The following RBMS3 variants were observed in gnomAD, a reference collection of about 807,000 sequenced individuals.
RBMS3 encodes RNA-binding motif, single-stranded-interacting protein 3.
RBMS3 carries 27 observed loss-of-function variants against 66.8 expected under a neutral mutation model. The ratio of observed to expected loss-of-function variants is 0.40; its 90% CI spans 0.30 to 0.56. The LOEUF (loss-of-function observed/expected upper bound fraction) is 0.56. Among genes scored for constraint, RBMS3 ranks in the 20% least tolerant of loss-of-function variants. RBMS3 has a pLI of 0.40. For missense variants in RBMS3, 513 were observed against 549.5 expected (o/e 0.93, Z 0.66); for synonymous variants, 188 against 183.0 (o/e 1.03, Z -0.22).
At chr3:29,873,461 T>A (rs1249914027) in intron 7 of RBMS3, among the ~76,000 whole-genome samples, 1 of 152,200 alleles carries the variant, frequency 6.6e-6, no homozygotes, top group East Asian at 1.9e-4. Flanking sequence ...TCTGCTGAGG[T>A]TGTTTATCAG....
chr3:29,320,019 G>C (rs1348982619), intron 1 of RBMS3, among the ~76,000 whole-genome samples: 2 of 151,978 alleles, frequency 1.3e-5, no homozygotes, highest in African/African-American at 4.8e-5. Context: ...GATCAGACTC[G>C]AGTCAGTTAA....
rs539735911 is a variant in RBMS3 at position 29,449,794 on chromosome 3, G to A, written c.248+14879G>A. On this transcript the variant is annotated intron_variant, in intron 2 of 14. Coordinates refer to ENST00000383767, the MANE Select transcript of RBMS3 (RefSeq NM_001003793.3). Reference sequence around the variant, plus strand: ...AACATACTTCAAAAATAGGAGTTATGTTACAAAAAATAATTTGGCCCACAC... The same window carrying A: ...AACATACTTCAAAAATAGGAGTTATATTACAAAAAATAATTTGGCCCACAC... Among the ~76,000 whole-genome samples, 7 of 152,262 alleles carry A rather than the reference G, an allele frequency of 4.6e-5. No homozygotes were observed. In the South Asian group the frequency reaches 1.2e-3, roughly 27 times the overall value.
chr3:29,484,737 G>T (rs1175523155), intron 2 of RBMS3, among the ~76,000 whole-genome samples: 1 of 152,020 alleles, frequency 6.6e-6, no homozygotes, highest in Non-Finnish European at 1.5e-5. Context: ...ATTCCAACTG[G>T]GTCCCTAAAG....
chr3:29,719,518 G>C (rs376372869), intron 4 of RBMS3, among the ~76,000 whole-genome samples: 54 of 152,186 alleles, frequency 3.5e-4, no homozygotes, highest in Non-Finnish European at 5.9e-4. Flanking sequence ...CAGGGTTCCT[G>C]CATGTTTATA....
chr3:29,493,201 A>T (rs2043615281), intron 3 of RBMS3, among the ~76,000 whole-genome samples: 1 of 152,222 alleles, frequency 6.6e-6, no homozygotes, highest in Non-Finnish European at 1.5e-5. Flanking sequence ...AAGCCTAGAA[A>T]AATGTTTATT....
intron 3 of RBMS3, among the ~76,000 whole-genome samples, chr3:29,514,766 T>A (rs1303754202): frequency 6.7e-6 from 1 of 148,966 alleles, no homozygotes. Flanking sequence ...TAAGCATATA[T>A]ACGATAGGCA....
rs1002488127 is a variant in RBMS3, at chr3:29,991,219, G to A, written c.1307+10G>A. 2 of 1,613,656 alleles carry A rather than the reference G, an allele frequency of 1.2e-6. No individual in the cohort carries two copies. Among genetic ancestry groups the A allele is most frequent in the Non-Finnish European group, 1.7e-6 (2 of 1,179,948 alleles). On this transcript the variant is annotated intron_variant, in intron 14 of 14. Transcript: ENST00000383767. Reference sequence around the variant, plus strand: ...CTTACCAACAGTCTAAGTAAGTCTGGGCTGTGCTAAGCTCTTTTCCTCAAG... The same window carrying A: ...CTTACCAACAGTCTAAGTAAGTCTGAGCTGTGCTAAGCTCTTTTCCTCAAG...
At chr3:29,853,655 T>G (rs931463117) in intron 6 of RBMS3, among the ~76,000 whole-genome samples, 2 of 152,114 alleles carry the variant, frequency 1.3e-5, no homozygotes, top group Admixed American at 1.3e-4. Context: ...ACTACCTGAT[T>G]GGTCGGGTGT....
intron 4 of RBMS3, among the ~76,000 whole-genome samples, chr3:29,645,503 TCTGTACAAAGAGTG>T (rs1316079733): frequency 2.6e-5 from 4 of 152,194 alleles, no homozygotes; most frequent in Non-Finnish European, 4.4e-5. Context: ...CTAGTTAACT[TCTGTACAAAGAGTG>T]CTATCAACTT....
chr3:29,837,663 C>A (rs1261522347), intron 6 of RBMS3, among the ~76,000 whole-genome samples: 1 of 67,636 alleles, frequency 1.5e-5, no homozygotes, highest in East Asian at 1.0e-3. Context: ...ATATAATGAA[C>A]ATATATATAT....
intron 4 of RBMS3, among the ~76,000 whole-genome samples, chr3:29,693,988 A>G (rs1459810489): frequency 6.6e-6 from 1 of 152,216 alleles, no homozygotes; most frequent in African/African-American, 2.4e-5. Flanking sequence ...CAATAGTTGA[A>G]TCAAGTTGCT....
intron 4 of RBMS3, among the ~76,000 whole-genome samples, chr3:29,639,738 G>A (rs1559529076): frequency 6.6e-6 from 1 of 151,778 alleles, no homozygotes; most frequent in Non-Finnish European, 1.5e-5. Context: ...CCCAGTATCT[G>A]CCTGAGAGAA....
chr3:29,698,485 C>T lies in RBMS3; in HGVS notation c.400-41235C>T, dbSNP rs553014466. On this transcript the variant is annotated intron_variant, in intron 4 of 14. Transcript: ENST00000383767. ...TTGGAGGAATCTTGACTTCTCAGCA[C>T]TCTTTGTTTATTCATTTAAATGTGC... 36 of 985,272 alleles carry T rather than the reference C, an allele frequency of 3.7e-5. No individual in the cohort carries two copies. The African/African-American group carries it at 6.3e-4, about 17-fold the overall frequency. The allele number at this position is 985,272 out of a possible 1,614,324, so 61.0% of individuals were successfully genotyped here.
Position 30,005,747 on chromosome 3 carries a change from G to A in RBMS3, c.*1885G>A, listed in dbSNP as rs1008249579. 1 of 151,690 alleles carries A rather than the reference G, an allele frequency of 6.6e-6. No homozygotes were observed. The highest frequency in any genetic ancestry group is 1.5e-5 in the Non-Finnish European group (1 of 67,734). 9.4% of individuals were successfully genotyped at this position (151,690 alleles called of 1,614,324 possible). On this transcript the variant is annotated 3_prime_UTR_variant, in exon 15 of 15. Transcript: ENST00000383767. The stretch of plus-strand genomic sequence containing the variant: ...GTTGCCGAAAGAACTTTTTCTTTCA[G>A]TTTAATTCTTTGAGGCATGTAGGAC...
chr3:29,403,382 A>G (rs1015000496), intron 1 of RBMS3, among the ~76,000 whole-genome samples: 1 of 152,088 alleles, frequency 6.6e-6, no homozygotes, highest in Non-Finnish European at 1.5e-5. Context: ...TTAAGTTGAG[A>G]TGTGGCTGTA....
chr3:29,407,190 C>A (rs970157128), intron 1 of RBMS3, among the ~76,000 whole-genome samples: 1 of 152,170 alleles, frequency 6.6e-6, no homozygotes, highest in Admixed American at 6.5e-5. Flanking sequence ...TGCTCACTGC[C>A]AGGGACTGTT....
At chr3:29,487,439 AG>A (rs1173449522) in intron 2 of RBMS3, among the ~76,000 whole-genome samples, 2 of 152,222 alleles carry the variant, frequency 1.3e-5, no homozygotes, top group African/African-American at 4.8e-5. Flanking sequence ...ATTATCTTTT[AG>A]CAAATAACTT....
At chr3:29,339,404 C>T (rs891172327) in intron 1 of RBMS3, among the ~76,000 whole-genome samples, 2 of 152,034 alleles carry the variant, frequency 1.3e-5, no homozygotes, top group African/African-American at 2.4e-5. Context: ...TGCAGGTCCT[C>T]GCAGATGTGG....
intron 1 of RBMS3, among the ~76,000 whole-genome samples, chr3:29,422,566 A>C (rs1406090434): frequency 2.0e-5 from 3 of 152,000 alleles, no homozygotes; most frequent in Non-Finnish European, 4.4e-5. Flanking sequence ...GAGCAATAGA[A>C]GTTTGTGTAA....
Sources: gnomAD v4.1 joint callset for allele counts (sites outside exome capture counted in the v4.1 genomes callset) on GRCh38, gnomAD v4.1.1 for gene constraint, MANE v1.5 for transcripts, NCBI Gene and HGNC (gene_info 2026-07-23, HGNC 2026-07-21) for gene names.